Variants in PKP4 observed in about 807,000 individuals in gnomAD.
PKP4 encodes the protein plakophilin 4.
In PKP4, 90 loss-of-function variants were observed where a neutral mutation model predicts 145.1. The observed-to-expected ratio is 0.62, with a 90% confidence interval of 0.52 to 0.74. The LOEUF (loss-of-function observed/expected upper bound fraction) is 0.74, where lower values mean the gene tolerates loss of function less well. PKP4 is among the 30% of genes least tolerant of loss of function. The pLI is 0.00. For missense variants in PKP4, 1,340 were observed against 1,482.7 expected, an observed-to-expected ratio of 0.90 and a Z score of 1.58; for synonymous variants, 563 against 577.2, an observed-to-expected ratio of 0.98 and a Z score of 0.35.
At chr2:158,537,862 CTACAAAAAA>C (rs1313161096) in intron 2 of PKP4, among the ~76,000 whole-genome samples, 2 of 152,002 alleles carry the variant, frequency 1.3e-5, no homozygotes, top group Non-Finnish European at 2.9e-5. Context: ...AACCCTGTCT[CTACAAAAAA>C]TACAAAAAAT....
chr2:158,667,101 C>A (rs978609439), intron 16 of PKP4, among the ~76,000 whole-genome samples: 1 of 152,186 alleles, frequency 6.6e-6, no homozygotes, highest in African/African-American at 2.4e-5. Flanking sequence ...TTTTAGGAGG[C>A]CTTTACTCTC....
chr2:158,597,350 A>G (rs970219679), intron 3 of PKP4, among the ~76,000 whole-genome samples: 1 of 152,236 alleles, frequency 6.6e-6, no homozygotes, highest in Non-Finnish European at 1.5e-5. Context: ...AAGATCAGCT[A>G]TCATCTATTT....
At chr2:158,542,137 C>T (rs1043976100) in intron 2 of PKP4, among the ~76,000 whole-genome samples, 1 of 152,108 alleles carries the variant, frequency 6.6e-6, no homozygotes, top group Non-Finnish European at 1.5e-5. Context: ...ACCTTAGCTG[C>T]CTTATACACC....
At chr2:158,522,131 G>C (rs2042433119) in intron 1 of PKP4, among the ~76,000 whole-genome samples, 1 of 152,088 alleles carries the variant, frequency 6.6e-6, no homozygotes, top group African/African-American at 2.4e-5. Context: ...TTACTAAAAA[G>C]GTGAAATAAA....
rs1201696963 is a variant in PKP4 at position 158,538,731 on chromosome 2, G to A, written c.132+5415G>A. On this transcript the variant is annotated intron_variant, in intron 2 of 21. Transcript: ENST00000389759. ...TAATTTTTGTATTTTTAGTAGAGAC[G>A]AGGTTTCTCCATGTTGGCCAGACTG... Among the ~76,000 whole-genome samples the A allele has an allele frequency of 3.9e-5, 6 of 151,930 alleles. No homozygotes were observed. The South Asian group carries it at 8.3e-4, about 21-fold the overall frequency.
intron 1 of PKP4, among the ~76,000 whole-genome samples, chr2:158,482,799 T>C (rs1388246469): frequency 6.6e-6 from 1 of 150,566 alleles, no homozygotes; most frequent in Non-Finnish European, 1.5e-5. Flanking sequence ...TCATGCCACT[T>C]CTCTCCAGAA....
intron 11 of PKP4, among the ~76,000 whole-genome samples, chr2:158,653,268 A>G (rs1436837063): frequency 6.6e-6 from 1 of 152,216 alleles, no homozygotes. Flanking sequence ...ATCCTTTAAG[A>G]AGTACATTTT....
chr2:158,542,111 C>A (rs1421435655), intron 2 of PKP4, among the ~76,000 whole-genome samples: 8 of 152,086 alleles, frequency 5.3e-5, no homozygotes. Context: ...TCAAGTAACA[C>A]CGTTTTTCAT....
chr2:158,529,323 C>T lies in PKP4; in HGVS notation c.-5-3857C>T, dbSNP rs188886914. On this transcript the variant is annotated intron_variant, in intron 1 of 21. Coordinates refer to ENST00000389759, the MANE Select transcript of PKP4 (RefSeq NM_003628.6). The stretch of plus-strand genomic sequence containing the variant: ...TCCTTCAGAGGCTTATAGGCATCTG[C>T]CTGTCAACATTGGATTTCTCTTCTT... Among the ~76,000 whole-genome samples the T allele has an allele frequency of 3.3e-5, 5 of 152,300 alleles. No homozygotes were observed. In the East Asian group the frequency reaches 7.7e-4, roughly 24 times the overall value.
At chr2:158,564,405 GTTACAATA>G (rs1464702695) in intron 2 of PKP4, among the ~76,000 whole-genome samples, 2 of 152,120 alleles carry the variant, frequency 1.3e-5, no homozygotes, top group Non-Finnish European at 2.9e-5. Context: ...GCCATCGTTT[GTTACAATA>G]TTACTATGTG....
intron 3 of PKP4, among the ~76,000 whole-genome samples, chr2:158,590,312 A>T (rs1442365471): frequency 7.2e-5 from 9 of 124,230 alleles, no homozygotes; most frequent in East Asian, 5.0e-4. Flanking sequence ...GAATGTCTTG[A>T]GTGTGTGTGT....
At chr2:158,581,232 A>G (rs1298126504) in intron 3 of PKP4, among the ~76,000 whole-genome samples, 2 of 152,164 alleles carry the variant, frequency 1.3e-5, no homozygotes, top group Non-Finnish European at 2.9e-5. Context: ...CCGATTTGCT[A>G]AAAAATAACA....
intron 11 of PKP4, among the ~76,000 whole-genome samples, chr2:158,645,359 C>G (rs1469486617): frequency 6.6e-6 from 1 of 152,128 alleles, no homozygotes; most frequent in Non-Finnish European, 1.5e-5. Flanking sequence ...TATGTTCATC[C>G]TAGAAGTCAA....
intron 1 of PKP4, among the ~76,000 whole-genome samples, chr2:158,465,256 A>G (rs1386382536): frequency 6.6e-6 from 1 of 152,240 alleles, no homozygotes; most frequent in Non-Finnish European, 1.5e-5. Context: ...TCATACTTCT[A>G]CTTGCTTAAT....
At chr2:158,608,229 A>G (rs1169854791) in intron 4 of PKP4, among the ~76,000 whole-genome samples, 1 of 152,226 alleles carries the variant, frequency 6.6e-6, no homozygotes, top group Non-Finnish European at 1.5e-5. Flanking sequence ...AGAGAAACCC[A>G]TATATACTAT....
Position 158,510,789 on chromosome 2 carries a change from A to G in PKP4, c.-5-22391A>G, listed in dbSNP as rs114146600. Among the ~76,000 whole-genome samples the G allele has an allele frequency of 3.3e-3, 503 of 152,350 alleles. 1 individual carries two copies. The highest frequency in any genetic ancestry group is 3.5e-3 in the Non-Finnish European group (240 of 68,026). Reference sequence around the variant, plus strand: ...AGAATAGACCTATTCTAAGGCAGCTATGTTGAAAGGGAACTGCTTTCAGCA... The same window carrying G: ...AGAATAGACCTATTCTAAGGCAGCTGTGTTGAAAGGGAACTGCTTTCAGCA... On this transcript the variant is annotated intron_variant, in intron 1 of 21. Transcript: ENST00000389759.
intron 1 of PKP4, among the ~76,000 whole-genome samples, chr2:158,523,852 C>A (rs1350083653): frequency 7.2e-6 from 1 of 138,806 alleles, no homozygotes; most frequent in South Asian, 2.5e-4. Flanking sequence ...CCTCAGGAGC[C>A]GATGTGATCA....
In PKP4 at chr2:158,662,882, C is replaced by A; in HGVS notation, c.2212-15C>A. 1.9e-6 allele frequency: 3 copies of A among 1,582,348 alleles called. No homozygotes were observed. The South Asian group carries it at 3.4e-5, about 18-fold the overall frequency. On this transcript the variant is annotated splice_polypyrimidine_tract_variant and intron_variant, in intron 13 of 21. Coordinates refer to ENST00000389759, the MANE Select transcript of PKP4 (RefSeq NM_003628.6). ...TGCCGAGTTGTTTTTAATTATACGC[C>A]ATGCTGGGTTTCAGACGGTGGAGAA...
At chr2:158,494,786 G>T (rs1048430202) in intron 1 of PKP4, among the ~76,000 whole-genome samples, 2 of 152,068 alleles carry the variant, frequency 1.3e-5, no homozygotes, top group Non-Finnish European at 2.9e-5. Context: ...ACTGTTTTGA[G>T]CCTATGTCCT....
Sources: gnomAD v4.1 joint callset for allele counts (sites outside exome capture counted in the v4.1 genomes callset) on GRCh38, gnomAD v4.1.1 for gene constraint, MANE v1.5 for transcripts, NCBI Gene and HGNC (gene_info 2026-07-23, HGNC 2026-07-21) for gene names.